SPTLC3: variants seen among roughly 807,000 people sequenced by gnomAD.
SPTLC3 encodes serine palmitoyltransferase 3.
A neutral mutation model predicts 59.3 loss-of-function variants in SPTLC3; 36 were observed. That is an observed-to-expected ratio of 0.61 (90% CI 0.47 to 0.80). The LOEUF (loss-of-function observed/expected upper bound fraction) is 0.80. Among genes scored for constraint, SPTLC3 ranks in the 30% least tolerant of loss-of-function variants. The pLI is 0.00. For missense variants in SPTLC3, 625 were observed against 685.1 expected, an observed-to-expected ratio of 0.91 and a Z score of 0.98; for synonymous variants, 257 against 240.8, an observed-to-expected ratio of 1.07 and a Z score of -0.62.
At chr20:13,102,383 C>A (rs1195519992) in intron 6 of SPTLC3, among the ~76,000 whole-genome samples, 1 of 152,174 alleles carries the variant, frequency 6.6e-6, no homozygotes, top group Non-Finnish European at 1.5e-5. Context: ...CTACTCTTAT[C>A]TCCTTTTTGA....
chr20:13,088,043 A>G (rs1440880907), intron 4 of SPTLC3, among the ~76,000 whole-genome samples: 1 of 152,184 alleles, frequency 6.6e-6, no homozygotes, highest in Non-Finnish European at 1.5e-5. Flanking sequence ...TGGTAATAGA[A>G]GACCTAAAGC....
At chr20:13,093,620 T>C (rs1989309157) in intron 6 of SPTLC3, 43 bp downstream of exon 6, 1 of 1,558,076 alleles carries the variant, frequency 6.4e-7, no homozygotes, top group Middle Eastern at 1.7e-4. Context: ...GGATTGCTCC[T>C]AGAAGAAAGT....
chr20:13,032,448 T>A (rs1399786443), intron 1 of SPTLC3, among the ~76,000 whole-genome samples: 1 of 152,196 alleles, frequency 6.6e-6, no homozygotes, highest in African/African-American at 2.4e-5. Flanking sequence ...TGGCTTACCC[T>A]GCTATCAAAG....
chr20:13,074,522 C>A, intron 4 of SPTLC3, 25 bp downstream of exon 4: 1 of 1,589,444 alleles, frequency 6.3e-7, no homozygotes, highest in Non-Finnish European at 8.6e-7. Flanking sequence ...TGTTTTGAAA[C>A]TTTTTGCTGT....
At chr20:13,012,677 A>C (rs1449017467) in intron 1 of SPTLC3, among the ~76,000 whole-genome samples, 1 of 152,192 alleles carries the variant, frequency 6.6e-6, no homozygotes. Context: ...CCTTCAAAAC[A>C]GCCCCATGAA....
chr20:13,132,785 TC>T (rs1379450677), intron 9 of SPTLC3: 1 of 152,216 alleles, frequency 6.6e-6, no homozygotes. Context: ...TGTTGGTTTC[TC>T]TCATCCTAAA....
At chr20:13,131,830 A>G (rs774348151) in intron 9 of SPTLC3, among the ~76,000 whole-genome samples, 1 of 152,028 alleles carries the variant, frequency 6.6e-6, no homozygotes, top group Non-Finnish European at 1.5e-5. Flanking sequence ...TCACTTCCCC[A>G]CTGAGAACTT....
chr20:13,035,135 A>G lies in SPTLC3; in HGVS notation c.118-13810A>G, dbSNP rs145851505. Among the ~76,000 whole-genome samples the G allele has an allele frequency of 1.8e-3, 279 of 151,810 alleles. 1 individual carries two copies. Among genetic ancestry groups the G allele is most frequent in the African/African-American group, 6.4e-3 (266 of 41,398 alleles). ...CTGTTCCCTGAACATCTCTCTATGT[A>G]CCATTTGTCAGCTTTCAGTCTCTCT... On this transcript the variant is annotated intron_variant, in intron 1 of 11. Transcript: ENST00000399002.
intron 9 of SPTLC3, among the ~76,000 whole-genome samples, chr20:13,144,708 A>C (rs2038465041): frequency 6.6e-6 from 1 of 152,220 alleles, no homozygotes; most frequent in African/African-American, 2.4e-5. Context: ...TGAAAGGTCC[A>C]ACCTAGTCCT....
intron 1 of SPTLC3, among the ~76,000 whole-genome samples, chr20:13,018,478 A>C (rs1205190069): frequency 1.3e-5 from 2 of 152,332 alleles, no homozygotes; most frequent in Middle Eastern, 3.4e-3. Context: ...CAATGAACCT[A>C]AACCAATGCA....
rs2038980072 is a variant in SPTLC3, at chr20:13,166,044, G to GA, written c.*1182dup. On this transcript the variant is annotated 3_prime_UTR_variant, in exon 12 of 12. Transcript: ENST00000399002. Reference sequence around the variant, plus strand: ...TTGTTAATCTGATCTAGTTTGTATGGAAAAAGCCCATGGAGAACCTTATCT... The same window carrying GA: ...TTGTTAATCTGATCTAGTTTGTATGGAAAAAAGCCCATGGAGAACCTTATCT... 6.6e-6 allele frequency: 1 copy of GA among 152,584 alleles called. No individual in the cohort carries two copies. Among genetic ancestry groups the GA allele is most frequent in the Non-Finnish European group, 1.5e-5 (1 of 68,028 alleles). 9.5% of individuals were successfully genotyped at this position (152,584 alleles called of 1,614,324 possible).
intron 4 of SPTLC3, among the ~76,000 whole-genome samples, chr20:13,086,742 T>G (rs1372482913): frequency 6.6e-6 from 1 of 152,102 alleles, no homozygotes; most frequent in Admixed American, 6.5e-5. Flanking sequence ...GACACCTACA[T>G]TTCCTTTTTC....
chr20:13,150,835 G>A (rs1438968942), intron 9 of SPTLC3, among the ~76,000 whole-genome samples: 1 of 152,108 alleles, frequency 6.6e-6, no homozygotes, highest in Non-Finnish European at 1.5e-5. Flanking sequence ...CCTAAGCCTG[G>A]AATACTCTCC....
intron 1 of SPTLC3, among the ~76,000 whole-genome samples, chr20:13,037,563 A>T (rs1305580278): frequency 6.6e-6 from 1 of 152,152 alleles, no homozygotes; most frequent in Non-Finnish European, 1.5e-5. Context: ...GTTGGACCAC[A>T]GGGCTTGTTC....
chr20:13,150,391 C>G (rs2038615641), intron 9 of SPTLC3, among the ~76,000 whole-genome samples: 1 of 152,134 alleles, frequency 6.6e-6, no homozygotes, highest in Non-Finnish European at 1.5e-5. Flanking sequence ...TGTTTCTACA[C>G]ATCTCTGGAT....
intron 9 of SPTLC3, among the ~76,000 whole-genome samples, chr20:13,130,850 T>G (rs1450737902): frequency 6.6e-6 from 1 of 152,188 alleles, no homozygotes. Flanking sequence ...AGTGTCAAAC[T>G]CAGTGCTCAG....
chr20:13,136,261 G>T (rs2038240581), intron 9 of SPTLC3, among the ~76,000 whole-genome samples: 2 of 152,116 alleles, frequency 1.3e-5, no homozygotes, highest in South Asian at 4.1e-4. Context: ...ATAATGACTT[G>T]TGTTCTTCCT....
At chr20:13,156,821 C>A (rs960743191) in intron 10 of SPTLC3, among the ~76,000 whole-genome samples, 1 of 152,100 alleles carries the variant, frequency 6.6e-6, no homozygotes, top group Non-Finnish European at 1.5e-5. Flanking sequence ...TTCAACTGAG[C>A]GCAAGGTTGA....
chr20:13,115,692 T>C (rs558199288), intron 7 of SPTLC3, among the ~76,000 whole-genome samples: 2 of 152,236 alleles, frequency 1.3e-5, no homozygotes, highest in African/African-American at 4.8e-5. Context: ...TGTCAAGGGC[T>C]CCCACTTTCC....
Sources: allele counts gnomAD v4.1 joint callset (sites outside exome capture counted in the v4.1 genomes callset), GRCh38; gene constraint gnomAD v4.1.1; transcripts MANE v1.5; gene names NCBI Gene and HGNC (gene_info 2026-07-23, HGNC 2026-07-21).